Variants in SEMA3E observed in about 807,000 individuals in gnomAD.
SEMA3E encodes the protein semaphorin 3E.
Under a neutral mutation model 93.6 loss-of-function variants are expected in SEMA3E, and 49 were observed. The observed-to-expected ratio is 0.52, with a 90% CI of 0.42 to 0.66. The LOEUF (loss-of-function observed/expected upper bound fraction) is 0.66. SEMA3E is among the 30% of genes least tolerant of loss of function. The pLI, the probability that SEMA3E is intolerant of heterozygous loss-of-function variation, is 0.00. For synonymous variants in SEMA3E, 363 were observed against 330.7 expected, an observed-to-expected ratio of 1.10 and a Z score of -1.06; for missense variants, 906 against 964.8, an observed-to-expected ratio of 0.94 and a Z score of 0.81.
At chr7:83,646,551 T>A (rs1454096871) in intron 1 of SEMA3E, among the ~76,000 whole-genome samples, 2 of 152,118 alleles carry the variant, frequency 1.3e-5, no homozygotes, top group African/African-American at 2.4e-5. Context: ...TATTGTGCAT[T>A]TTCAGCTGGT....
At chr7:83,542,861 C>CAG (rs1158638647) in intron 1 of SEMA3E, among the ~76,000 whole-genome samples, 4 of 152,050 alleles carry the variant, frequency 2.6e-5, no homozygotes, top group African/African-American at 7.2e-5. Context: ...CATGGTAGAT[C>CAG]TTGAAAAACT....
intron 1 of SEMA3E, among the ~76,000 whole-genome samples, chr7:83,534,656 G>GTTTCTATT (rs1208629844): frequency 2.0e-5 from 3 of 152,116 alleles, no homozygotes; most frequent in African/African-American, 4.8e-5. Context: ...TCTGTCACTT[G>GTTTCTATT]TTTCTATAAA....
chr7:83,642,658 G>GA (rs1171709077), intron 1 of SEMA3E, among the ~76,000 whole-genome samples: 1 of 151,546 alleles, frequency 6.6e-6, no homozygotes, highest in African/African-American at 2.4e-5. Flanking sequence ...GCTTTACTGT[G>GA]AAAAAAAATA....
chr7:83,455,931 AAC>A (rs1184858667), intron 4 of SEMA3E, among the ~76,000 whole-genome samples: 1 of 152,228 alleles, frequency 6.6e-6, no homozygotes, highest in African/African-American at 2.4e-5. Flanking sequence ...GAAAGATTGC[AAC>A]ACCTTGATTT....
chr7:83,528,116 A>T (rs1373570982), intron 1 of SEMA3E, among the ~76,000 whole-genome samples: 1 of 152,082 alleles, frequency 6.6e-6, no homozygotes, highest in Non-Finnish European at 1.5e-5. Context: ...TTGGTAGGAA[A>T]AAGTAACTGT....
intron 1 of SEMA3E, among the ~76,000 whole-genome samples, chr7:83,579,028 G>A (rs768342494): frequency 6.6e-6 from 1 of 152,012 alleles, no homozygotes; most frequent in Non-Finnish European, 1.5e-5. Flanking sequence ...TATAAGAAGA[G>A]CAAAGTGTGG....
intron 1 of SEMA3E, among the ~76,000 whole-genome samples, chr7:83,514,742 G>T (rs1399505783): frequency 6.6e-6 from 1 of 152,008 alleles, no homozygotes; most frequent in Non-Finnish European, 1.5e-5. Context: ...AGCAAATGAA[G>T]TTAGAGGTAC....
At chr7:83,448,292 C>A (rs763528163) in intron 4 of SEMA3E, among the ~76,000 whole-genome samples, 1 of 152,130 alleles carries the variant, frequency 6.6e-6, no homozygotes, top group Non-Finnish European at 1.5e-5. Context: ...GTTAAGGAGT[C>A]GATGTATTAC....
In SEMA3E at chr7:83,381,770, C is replaced by T. The variant is rs562368826; in HGVS notation, c.1875+3524G>A. Among the ~76,000 whole-genome samples, 10 of 152,064 alleles carry T rather than the reference C, an allele frequency of 6.6e-5. No individual in the cohort carries two copies. The South Asian group carries it at 1.9e-3, about 28-fold the overall frequency. On this transcript the variant is annotated intron_variant, in intron 16 of 16. Transcript: ENST00000643230. ...ATATCTACATAGGCTCAAATGGTGG[C>T]TCACATTTTCCTTGATATAGAAGTC...
chr7:83,421,515 AT>A (rs2115706963), intron 4 of SEMA3E, among the ~76,000 whole-genome samples: 1 of 63,552 alleles, frequency 1.6e-5, no homozygotes, highest in South Asian at 1.1e-3. Context: ...AAAAGTGACA[AT>A]AAAAATCAAT....
chr7:83,543,857 C>T (rs1791588240), intron 1 of SEMA3E, among the ~76,000 whole-genome samples: 1 of 152,004 alleles, frequency 6.6e-6, no homozygotes, highest in African/African-American at 2.4e-5. Flanking sequence ...AAGCTAAAAC[C>T]TCAATATCAA....
chr7:83,429,268 T>C (rs375458169), intron 4 of SEMA3E, among the ~76,000 whole-genome samples: 1 of 152,188 alleles, frequency 6.6e-6, no homozygotes, highest in East Asian at 1.9e-4. Context: ...AATAAATATT[T>C]GCTTGAAGCT....
At chr7:83,544,402 T>G (rs1791602428) in intron 1 of SEMA3E, among the ~76,000 whole-genome samples, 1 of 152,044 alleles carries the variant, frequency 6.6e-6, no homozygotes, top group Non-Finnish European at 1.5e-5. Flanking sequence ...AGCCCCAAGT[T>G]AATGACTATT....
At chr7:83,569,027 T>C (rs78102580) in intron 1 of SEMA3E, among the ~76,000 whole-genome samples, 1 of 151,868 alleles carries the variant, frequency 6.6e-6, no homozygotes, top group Admixed American at 6.6e-5. Context: ...ATGAATTCAG[T>C]AAAATTGCAA....
chr7:83,405,820 G>C, intron 8 of SEMA3E, 125 bp downstream of exon 8: 1 of 796,492 alleles, frequency 1.3e-6, no homozygotes, highest in East Asian at 2.6e-5. Context: ...GAAAAGAACA[G>C]AAACTTGCTC....
At chr7:83,603,718 A>G (rs1035370011) in intron 1 of SEMA3E, among the ~76,000 whole-genome samples, 1 of 152,182 alleles carries the variant, frequency 6.6e-6, no homozygotes, top group Non-Finnish European at 1.5e-5. Context: ...TTTTTCACAG[A>G]AGCAAATACA....
intron 1 of SEMA3E, among the ~76,000 whole-genome samples, chr7:83,559,623 A>C (rs2115830120): frequency 6.6e-6 from 1 of 152,110 alleles, no homozygotes; most frequent in East Asian, 1.9e-4. Context: ...TGTCGGTGGG[A>C]AGGCAAAATG....
At chr7:83,373,265 A>G (rs1032866603) in intron 16 of SEMA3E, among the ~76,000 whole-genome samples, 8 of 152,184 alleles carry the variant, frequency 5.3e-5, no homozygotes, top group Admixed American at 4.6e-4. Context: ...AAGGACAGAC[A>G]TAGGCCTTGA....
chr7:83,475,509 T>G (rs1421734729), intron 2 of SEMA3E, among the ~76,000 whole-genome samples: 1 of 152,086 alleles, frequency 6.6e-6, no homozygotes, highest in Non-Finnish European at 1.5e-5. Flanking sequence ...CTTATAAGAT[T>G]GGGAGTTTCC....
Sources: gnomAD v4.1 joint callset for allele counts (sites outside exome capture counted in the v4.1 genomes callset) on GRCh38, gnomAD v4.1.1 for gene constraint, MANE v1.5 for transcripts, NCBI Gene and HGNC (gene_info 2026-07-23, HGNC 2026-07-21) for gene names.